Variants in KLF15 observed in about 807,000 individuals in gnomAD.
KLF15 encodes the protein KLF transcription factor 15.
A neutral mutation model predicts 24.6 loss-of-function variants in KLF15; 4 were observed. The ratio of observed to expected loss-of-function variants is 0.16; its 90% CI spans 0.08 to 0.37. The LOEUF (loss-of-function observed/expected upper bound fraction) is 0.37, where lower values mean the gene tolerates loss of function less well. Ranked by LOEUF, KLF15 falls within the 10% of genes least tolerant of loss-of-function variation. KLF15 has a pLI of 1.00. For synonymous variants in KLF15, 246 were observed against 236.3 expected (o/e 1.04, Z -0.37); for missense variants, 496 against 560.6 (o/e 0.88, Z 1.16).
chr3:126,294,868 C>T, the KLF15 span, among the ~76,000 whole-genome samples: 2 of 60,782 alleles, frequency 3.3e-5, no homozygotes, highest in South Asian at 9.0e-4. Flanking sequence ...CCTCCATACA[C>T]ACACACACAC....
At chr3:126,308,267 A>G in the KLF15 span, among the ~76,000 whole-genome samples, 1 of 152,070 alleles carries the variant, frequency 6.6e-6, no homozygotes, top group East Asian at 1.9e-4. Context: ...GCAGGCCTTG[A>G]CCACCCCCAA....
chr3:126,338,301 G>C (rs2082454287), downstream of KLF15, among the ~76,000 whole-genome samples: 1 of 152,232 alleles, frequency 6.6e-6, no homozygotes, highest in African/African-American at 2.4e-5. Flanking sequence ...CCTCCCAGCA[G>C]TGCCACGTCA....
chr3:126,352,878 T>G lies in KLF15; in HGVS notation c.45A>C (p.Pro15=), dbSNP rs1178582190. The part of the protein sequence containing the change: ...LLPVDENFSS[P]KCPVGYLGDR... ...CACCCAGATACCCAACTGGGCATTT[T>G]GGCGACGAGAAGTTCTCGTCCACTG... Residue 15 remains proline (P), a synonymous_variant, in exon 2 of 3, where the codon CCA becomes CCC. Transcript: ENST00000296233. 6.2e-6 allele frequency: 10 copies of G among 1,612,072 alleles called. No individual in the cohort carries two copies. The highest frequency in any genetic ancestry group is 8.5e-6 in the Non-Finnish European group (10 of 1,179,396).
At chr3:126,332,238 T>C in the KLF15 span, among the ~76,000 whole-genome samples, 6 of 149,638 alleles carry the variant, frequency 4.0e-5, no homozygotes, top group South Asian at 2.2e-4. Context: ...ACCAGCAGAC[T>C]GCCTTCTCAA....
the KLF15 span, among the ~76,000 whole-genome samples, chr3:126,296,052 T>A: frequency 2.0e-5 from 3 of 152,218 alleles, no homozygotes; most frequent in African/African-American, 7.2e-5. Context: ...ATCACAATGG[T>A]CCTGAATAAA....
chr3:126,352,276 G>T lies in KLF15; in HGVS notation c.647C>A (p.Pro216His). The change falls in exon 2 of 3, where the codon CCC (proline) becomes CAC (histidine). Residue 216 changes from proline (P) to histidine (H), a missense_variant. Physicochemically the swap from Pro to His is moderately conservative, Grantham distance 77. This residue lies in a region of KLF15 where 399 missense variants were observed against 423.1 expected (regional missense o/e 0.94). Transcript: ENST00000296233. ...GPGGGPTPDGPIPVLLQIQPV... is the reference protein window; with the variant it reads ...GPGGGPTPDGHIPVLLQIQPV... ...CTGGATCTGCAGCAACACTGGGATG[G>T]GGCCATCAGGCGTGGGGCCCCCACC... 6.5e-7 allele frequency: 1 copy of T among 1,540,416 alleles called. No individual in the cohort carries two copies. The highest frequency in any genetic ancestry group is 2.3e-5 in the East Asian group (1 of 44,290).
At chr3:126,327,743 G>A in the KLF15 span, among the ~76,000 whole-genome samples, 1 of 152,286 alleles carries the variant, frequency 6.6e-6, no homozygotes, top group South Asian at 2.1e-4. Flanking sequence ...TTTTATGCGA[G>A]TTTGACCATT....
downstream of KLF15, among the ~76,000 whole-genome samples, chr3:126,339,681 A>G (rs1200332480): frequency 6.6e-6 from 1 of 152,126 alleles, no homozygotes; most frequent in Non-Finnish European, 1.5e-5. Flanking sequence ...TTCCCCTGCC[A>G]GGCCTTGGAT....
intron 2 of KLF15, among the ~76,000 whole-genome samples, chr3:126,350,144 C>T (rs1025412500): frequency 3.0e-4 from 45 of 152,222 alleles, no homozygotes; most frequent in African/African-American, 9.9e-4. Context: ...CCTGTGCCCT[C>T]GCCTTCTCTG....
rs1475272416 is a variant in KLF15 at position 126,356,078 on chromosome 3, C to A, written c.-26+1159G>T. 6.6e-6 allele frequency among the ~76,000 whole-genome samples: 1 copy of A among 152,168 alleles called. No homozygotes were observed. Among genetic ancestry groups the A allele is most frequent in the East Asian group, 1.9e-4 (1 of 5,172 alleles). ...GCTGTTTATCCTCCCGGGGACACAG[C>A]GGCTGCAGGAACAACATGTAATTGA... On this transcript the variant is annotated intron_variant, in intron 1 of 2. Coordinates refer to ENST00000296233, the MANE Select transcript of KLF15 (RefSeq NM_014079.4). The surrounding 1 kb of genome is among the most constrained non-coding windows in gnomAD (Gnocchi z 4.4).
chr3:126,298,012 A>G, the KLF15 span, among the ~76,000 whole-genome samples: 2 of 152,152 alleles, frequency 1.3e-5, no homozygotes, highest in African/African-American at 4.8e-5. Context: ...TTAGTTCTTT[A>G]AGGAATCTCC....
chr3:126,328,674 T>C, the KLF15 span, among the ~76,000 whole-genome samples: 4 of 152,168 alleles, frequency 2.6e-5, no homozygotes, highest in Admixed American at 6.5e-5. Flanking sequence ...CAAAAAAAAA[T>C]TGTACTACAA....
At position 126,356,266 on chromosome 3, in the gene KLF15, G is replaced by T. The variant is rs1031079588; in HGVS notation, c.-26+971C>A. Reference sequence around the variant, plus strand: ...CGTCCTCACACCTGTAGGGCGGCAGGGTCTCCCCAGGGGCCACCTGGTCCG... The same window carrying T: ...CGTCCTCACACCTGTAGGGCGGCAGTGTCTCCCCAGGGGCCACCTGGTCCG... On this transcript the variant is annotated intron_variant, in intron 1 of 2. Coordinates refer to ENST00000296233, the MANE Select transcript of KLF15 (RefSeq NM_014079.4). The surrounding 1 kb of genome is among the most constrained non-coding windows in gnomAD (Gnocchi z 4.4). Among the ~76,000 whole-genome samples the T allele has an allele frequency of 6.6e-6, 1 of 152,154 alleles. No homozygotes were observed. Among genetic ancestry groups the T allele is most frequent in the Non-Finnish European group, 1.5e-5 (1 of 68,010 alleles).
chr3:126,293,944 G>C, the KLF15 span: 4 of 152,238 alleles, frequency 2.6e-5, no homozygotes, highest in Non-Finnish European at 5.9e-5. Context: ...AGAGCTGGAC[G>C]GCAGGCAGGC....
chr3:126,323,423 A>ATATATAACATATATATGT, the KLF15 span, among the ~76,000 whole-genome samples: 7 of 29,300 alleles, frequency 2.4e-4, no homozygotes, highest in African/African-American at 5.9e-4. Flanking sequence ...ATATATATAT[A>ATATATAACATATATATGT]TATATATATA....
the KLF15 span, among the ~76,000 whole-genome samples, chr3:126,299,478 G>T: frequency 4.8e-4 from 73 of 152,030 alleles, no homozygotes; most frequent in African/African-American, 1.7e-3. Context: ...TGCCGGGCAC[G>T]GTGGCTCACG....
the KLF15 span, among the ~76,000 whole-genome samples, chr3:126,315,361 C>A: frequency 6.6e-6 from 1 of 152,130 alleles, no homozygotes; most frequent in African/African-American, 2.4e-5. Context: ...GGTGGGGGCA[C>A]TTTTCAACAG....
the KLF15 span, among the ~76,000 whole-genome samples, chr3:126,316,492 G>C: frequency 1.1e-4 from 13 of 117,342 alleles, no homozygotes; most frequent in African/African-American, 4.5e-4. Context: ...CCACAGGCCG[G>C]AGTGGGACTG....
the KLF15 span, among the ~76,000 whole-genome samples, chr3:126,323,035 T>G: frequency 6.6e-6 from 1 of 151,062 alleles, no homozygotes; most frequent in Non-Finnish European, 1.5e-5. Flanking sequence ...TTTTTTTTAA[T>G]GAAATAATTT....
Sources: allele counts gnomAD v4.1 joint callset (sites outside exome capture counted in the v4.1 genomes callset), GRCh38; gene constraint gnomAD v4.1.1; regional missense constraint gnomAD v4.1.1; non-coding constraint Gnocchi (gnomAD v3.1); transcripts MANE v1.5; gene names NCBI Gene and HGNC (gene_info 2026-07-23, HGNC 2026-07-21).